Variants in PEX14 observed in about 807,000 individuals in gnomAD.
The protein encoded by PEX14 is peroxisomal membrane protein PEX14.
A neutral mutation model predicts 49.5 loss-of-function variants in PEX14; 15 were observed. The ratio of observed to expected loss-of-function variants is 0.30; its 90% CI spans 0.20 to 0.47. PEX14 has a LOEUF of 0.47. Among genes scored for constraint, PEX14 ranks in the 20% least tolerant of loss-of-function variants. The pLI, the probability that PEX14 is intolerant of heterozygous loss-of-function variation, is 1.00. For synonymous variants in PEX14, 210 were observed against 212.7 expected (o/e 0.99, Z 0.11); for missense variants, 398 against 494.8 (o/e 0.80, Z 1.86).
chr1:10,586,628 CTTTTTTTTTTTTTTT>C (rs35743829), intron 3 of PEX14, among the ~76,000 whole-genome samples: 10,162 of 93,232 alleles, frequency 0.11, 576 homozygotes, highest in Middle Eastern at 0.25. Context: ...AGCCGTTTAC[CTTTTTTTTTTTTTTT>C]TTTTTTTTTT....
intron 4 of PEX14, among the ~76,000 whole-genome samples, chr1:10,614,494 G>A (rs181339275): frequency 5.9e-5 from 9 of 152,312 alleles, no homozygotes; most frequent in Admixed American, 3.3e-4. Context: ...GCTATTGGGA[G>A]GGTCCTGGTC....
Position 10,629,898 on chromosome 1 carries a change from G to A in PEX14, c.1045G>A (p.Asp349Asn). The A allele has an allele frequency of 1.9e-6, 3 of 1,613,548 alleles. No individual in the cohort carries two copies. The African/African-American group carries it at 4.0e-5, about 22-fold the overall frequency. Residue 349 changes from aspartate (D) to asparagine (N), a missense_variant, in exon 9 of 9, where the codon GAC becomes AAC. Physicochemically the swap from Asp to Asn is conservative, Grantham distance 23. This residue lies in a region of PEX14 where 140 missense variants were observed against 155.5 expected (regional missense o/e 0.90). Coordinates refer to ENST00000356607, the MANE Select transcript of PEX14 (RefSeq NM_004565.3). The surrounding 1 kb of genome is among the most constrained non-coding windows in gnomAD (Gnocchi z 8.5). ...GGACTGCCTGGGGGTGCAGAGGGAG[G>A]ACCGCCGGGGCGGGGATGGGCAGAT... ...EEDCLGVQRE[D>N]RRGGDGQINE...
At chr1:10,595,311 G>A (rs1640805935) in intron 3 of PEX14, among the ~76,000 whole-genome samples, 1 of 152,104 alleles carries the variant, frequency 6.6e-6, no homozygotes. Context: ...GACCCTCTTC[G>A]CCTCCCCTCC....
chr1:10,578,580 C>T (rs922852895), intron 3 of PEX14, among the ~76,000 whole-genome samples: 2 of 151,924 alleles, frequency 1.3e-5, no homozygotes, highest in Admixed American at 6.6e-5. Flanking sequence ...GACCCTGTGA[C>T]CCTTACTGAA....
At chr1:10,604,368 A>T (rs1469873614) in intron 4 of PEX14, among the ~76,000 whole-genome samples, 1 of 152,072 alleles carries the variant, frequency 6.6e-6, no homozygotes, top group East Asian at 1.9e-4. Flanking sequence ...TGTAATCCCA[A>T]CTCTTTGAGA....
chr1:10,504,503 G>A (rs1641744652), intron 2 of PEX14, among the ~76,000 whole-genome samples: 1 of 152,210 alleles, frequency 6.6e-6, no homozygotes, highest in Non-Finnish European at 1.5e-5. Flanking sequence ...TGGGGGCACA[G>A]CTCTCCTGTT....
intron 3 of PEX14, among the ~76,000 whole-genome samples, chr1:10,575,091 G>A (rs1172470915): frequency 1.3e-5 from 2 of 149,676 alleles, no homozygotes; most frequent in Non-Finnish European, 3.0e-5. Flanking sequence ...AAAAAAGGAA[G>A]AAAAGAAAAA....
chr1:10,607,509 A>G (rs1641160519), intron 4 of PEX14, among the ~76,000 whole-genome samples: 1 of 152,138 alleles, frequency 6.6e-6, no homozygotes, highest in Non-Finnish European at 1.5e-5. Context: ...CCCACCAGCA[A>G]TGTTTGAGAG....
At chr1:10,576,490 A>G (rs1377697720) in intron 3 of PEX14, among the ~76,000 whole-genome samples, 4 of 152,148 alleles carry the variant, frequency 2.6e-5, no homozygotes, top group African/African-American at 9.7e-5. Flanking sequence ...ATTCATCCAC[A>G]TTTCGTTTTA....
chr1:10,534,652 T>C (rs551905714), intron 2 of PEX14, among the ~76,000 whole-genome samples: 1 of 152,150 alleles, frequency 6.6e-6, no homozygotes, highest in Non-Finnish European at 1.5e-5. Flanking sequence ...GGTCTATTAC[T>C]GTGGTTCATG....
rs753975643 is a variant in PEX14, at chr1:10,474,981, G to A, written c.15G>A (p.Glu5=). The A allele has an allele frequency of 6.2e-7, 1 of 1,609,498 alleles. No homozygotes were observed. The highest frequency in any genetic ancestry group is 1.7e-5 in the Admixed American group (1 of 59,542). Reference sequence around the variant, plus strand: ...GCCTCAGAAAGATGGCGTCCTCGGAGCAGGCAGAGCAGCCGAGCCAGGTAA... The same window carrying A: ...GCCTCAGAAAGATGGCGTCCTCGGAACAGGCAGAGCAGCCGAGCCAGGTAA... MASS[E]QAEQPSQPSS... Residue 5 remains glutamate (E), a synonymous_variant, in exon 1 of 9, where the codon GAG becomes GAA. Transcript: ENST00000356607.
At chr1:10,574,045 T>C (rs907284759) in intron 3 of PEX14, among the ~76,000 whole-genome samples, 4 of 152,220 alleles carry the variant, frequency 2.6e-5, no homozygotes, top group African/African-American at 7.2e-5. Context: ...GAGGTTGCAG[T>C]GAGCTGACAT....
intron 2 of PEX14, among the ~76,000 whole-genome samples, chr1:10,508,761 T>C (rs1641833280): frequency 6.6e-6 from 1 of 152,208 alleles, no homozygotes. Context: ...TATTTAGGAT[T>C]AGCTAAGAAT....
rs1393180429 is a variant in PEX14 at position 10,630,242 on chromosome 1, C to T, written c.*255C>T. On this transcript the variant is annotated 3_prime_UTR_variant, in exon 9 of 9. Transcript: ENST00000356607. The surrounding 1 kb of genome is among the most constrained non-coding windows in gnomAD (Gnocchi z 4.1). ...GCTGCCTTTGGCTTTGATCTCAAGT[C>T]AGGCTGAAGGCAGCGAAGCCTCGGG... 1.7e-6 allele frequency: 1 copy of T among 605,042 alleles called. No individual in the cohort carries two copies. Among genetic ancestry groups the T allele is most frequent in the Non-Finnish European group, 2.9e-6 (1 of 347,392 alleles). The allele number at this position is 605,042 out of a possible 1,614,324, so 37.5% of individuals were successfully genotyped here.
rs1457455311 is a variant in PEX14 at position 10,512,588 on chromosome 1, TCCAA to T, written c.84+17269_84+17272del. Among the ~76,000 whole-genome samples the T allele has an allele frequency of 6.6e-6, 1 of 152,170 alleles. No individual in the cohort carries two copies. The highest frequency in any genetic ancestry group is 1.5e-5 in the Non-Finnish European group (1 of 68,016). ...ATTCCACATTTGTCAAATCCTTAAA[TCCAA>T]CTGAACTAATTTTAGAAGTAGCTAG... On this transcript the variant is annotated intron_variant, in intron 2 of 8. Transcript: ENST00000356607. The surrounding 1 kb of genome is among the most constrained non-coding windows in gnomAD (Gnocchi z 4.6).
chr1:10,627,391 C>G (rs1400696300), intron 8 of PEX14, 28 bp downstream of exon 8: 2 of 1,473,268 alleles, frequency 1.4e-6, no homozygotes, highest in Non-Finnish European at 1.9e-6. Flanking sequence ...GGACCCTGTT[C>G]TGGTCGGGCC....
chr1:10,603,723 G>T (rs571356754), intron 4 of PEX14, among the ~76,000 whole-genome samples: 3 of 152,144 alleles, frequency 2.0e-5, no homozygotes, highest in African/African-American at 7.2e-5. Flanking sequence ...ATTTGTCTTC[G>T]TCCTCCCAGA....
intron 1 of PEX14, among the ~76,000 whole-genome samples, chr1:10,491,674 CTTTTTTTT>C (rs5772417): frequency 5.4e-5 from 3 of 55,116 alleles, no homozygotes; most frequent in African/African-American, 1.6e-4. Flanking sequence ...GGCCATGCTC[CTTTTTTTT>C]TTTTTTTTTT....
intron 3 of PEX14, among the ~76,000 whole-genome samples, chr1:10,573,930 A>T (rs544798248): frequency 6.6e-6 from 1 of 152,326 alleles, no homozygotes; most frequent in East Asian, 1.9e-4. Flanking sequence ...GTGAAACCCC[A>T]TCTCTACTAA....
Sources: allele counts gnomAD v4.1 joint callset (sites outside exome capture counted in the v4.1 genomes callset), GRCh38; gene constraint gnomAD v4.1.1; regional missense constraint gnomAD v4.1.1; non-coding constraint Gnocchi (gnomAD v3.1); transcripts MANE v1.5; gene names NCBI Gene and HGNC (gene_info 2026-07-23, HGNC 2026-07-21).